The following ADGRL3 variants were observed in gnomAD, a reference collection of about 807,000 sequenced individuals.
ADGRL3 encodes the protein adhesion G protein-coupled receptor L3.
A neutral mutation model predicts 153.5 loss-of-function variants in ADGRL3; 62 were observed. That is an observed-to-expected ratio of 0.40 (90% CI 0.33 to 0.50). The LOEUF (loss-of-function observed/expected upper bound fraction) is 0.50. Among genes scored for constraint, ADGRL3 ranks in the 20% least tolerant of loss-of-function variants. The pLI is 0.47. For synonymous variants in ADGRL3, 710 were observed against 672.5 expected, an observed-to-expected ratio of 1.06 and a Z score of -0.86; for missense variants, 1,641 against 1,859.4, an observed-to-expected ratio of 0.88 and a Z score of 2.16.
intron 5 of ADGRL3, among the ~76,000 whole-genome samples, chr4:61,589,002 G>C (rs2098958136): frequency 6.6e-6 from 1 of 152,082 alleles, no homozygotes; most frequent in South Asian, 2.1e-4. Context: ...CACTGAAATT[G>C]TTTTAATCCT....
intron 8 of ADGRL3, among the ~76,000 whole-genome samples, chr4:61,768,619 T>C (rs1434619974): frequency 6.6e-6 from 1 of 152,006 alleles, no homozygotes; most frequent in Admixed American, 6.5e-5. Context: ...CTTGAGTTTG[T>C]ATTGGGGTCA....
intron 8 of ADGRL3, among the ~76,000 whole-genome samples, chr4:61,794,522 A>T (rs559285465): frequency 5.7e-4 from 85 of 149,522 alleles, no homozygotes; most frequent in African/African-American, 2.1e-3. Context: ...AATGAGTGAT[A>T]TTTTTCTGTG....
At chr4:61,734,984 T>G (rs1045135742) in intron 8 of ADGRL3, among the ~76,000 whole-genome samples, 3 of 152,226 alleles carry the variant, frequency 2.0e-5, no homozygotes, top group Non-Finnish European at 4.4e-5. Flanking sequence ...ATTTCTTATT[T>G]TCTGCATTAT....
At chr4:61,309,044 G>A (rs936475046) in intron 1 of ADGRL3, among the ~76,000 whole-genome samples, 12 of 151,954 alleles carry the variant, frequency 7.9e-5, no homozygotes, top group African/African-American at 2.2e-4. Context: ...AATTACCTTC[G>A]CATTATATGA....
chr4:61,392,026 ATTT>A (rs373905840), intron 2 of ADGRL3, among the ~76,000 whole-genome samples: 6 of 135,668 alleles, frequency 4.4e-5, no homozygotes, highest in Admixed American at 1.5e-4. Flanking sequence ...CGACCGGCTA[ATTT>A]TTTTTTTTTT....
chr4:61,655,515 C>T (rs2094419578), intron 5 of ADGRL3, among the ~76,000 whole-genome samples: 1 of 151,876 alleles, frequency 6.6e-6, no homozygotes, highest in African/African-American at 2.4e-5. Flanking sequence ...GTAAAAAATA[C>T]ACTTTGAAAA....
intron 1 of ADGRL3, among the ~76,000 whole-genome samples, chr4:61,229,957 A>G (rs1749862728): frequency 6.6e-6 from 1 of 152,058 alleles, no homozygotes; most frequent in South Asian, 2.1e-4. Flanking sequence ...AGATAGATAG[A>G]TAGATAGAAT....
intron 4 of ADGRL3, among the ~76,000 whole-genome samples, chr4:61,567,582 C>T (rs1197194242): frequency 6.6e-6 from 1 of 152,126 alleles, no homozygotes; most frequent in East Asian, 1.9e-4. Flanking sequence ...GACCTCCCAG[C>T]CTCCAGAACG....
intron 21 of ADGRL3, among the ~76,000 whole-genome samples, chr4:62,013,616 A>C (rs1365041913): frequency 2.0e-5 from 3 of 151,978 alleles, no homozygotes; most frequent in South Asian, 2.1e-4. Context: ...ACGGCCGGGC[A>C]TGGTGACTTA....
Position 61,650,804 on chromosome 4 carries a change from A to AAAAATG in ADGRL3, c.474-26012_474-26007dup, listed in dbSNP as rs571798340. ...ATACTTCACCTGAACCATAGTACAT[A>AAAAATG]AAAATGAAAATGAAATAATTATGAA... On this transcript the variant is annotated intron_variant, in intron 5 of 26. Transcript: ENST00000683033. 4.6e-3 allele frequency among the ~76,000 whole-genome samples: 704 copies of AAAAATG among 152,276 alleles called. 3 individuals are homozygous for AAAAATG. The highest frequency in any genetic ancestry group is 0.016 in the African/African-American group (645 of 41,556).
chr4:61,560,308 G>A (rs180899659), intron 4 of ADGRL3, among the ~76,000 whole-genome samples: 1 of 152,158 alleles, frequency 6.6e-6, no homozygotes, highest in East Asian at 1.9e-4. Context: ...TGAGTATAAT[G>A]GTTAATAAGG....
chr4:61,718,155 T>G (rs1580434205), intron 6 of ADGRL3, among the ~76,000 whole-genome samples: 1 of 152,156 alleles, frequency 6.6e-6, no homozygotes, highest in East Asian at 1.9e-4. Flanking sequence ...AATTAGAATA[T>G]TAACCAAAAA....
intron 2 of ADGRL3, among the ~76,000 whole-genome samples, chr4:61,469,148 C>CTA (rs1189345752): frequency 1.3e-5 from 2 of 152,002 alleles, no homozygotes; most frequent in African/African-American, 4.8e-5. Context: ...CTTAGAAGGG[C>CTA]AGTATTACCT....
intron 22 of ADGRL3, among the ~76,000 whole-genome samples, chr4:62,029,560 T>A (rs1296424230): frequency 6.6e-6 from 1 of 151,688 alleles, no homozygotes; most frequent in Non-Finnish European, 1.5e-5. Flanking sequence ...AAATTACAAG[T>A]CCTGCAAGAA....
At chr4:61,603,107 C>T (rs1411934660) in intron 5 of ADGRL3, among the ~76,000 whole-genome samples, 13 of 152,112 alleles carry the variant, frequency 8.5e-5, no homozygotes, top group Non-Finnish European at 1.5e-4. Flanking sequence ...TATTGTCTCA[C>T]GGTGACATTT....
At chr4:61,490,608 T>A (rs2098247816) in intron 2 of ADGRL3, among the ~76,000 whole-genome samples, 1 of 152,120 alleles carries the variant, frequency 6.6e-6, no homozygotes, top group Admixed American at 6.6e-5. Context: ...GATTAGAACA[T>A]TTAACTCATT....
At chr4:61,777,321 C>T (rs1005101678) in intron 8 of ADGRL3, among the ~76,000 whole-genome samples, 2 of 149,674 alleles carry the variant, frequency 1.3e-5, no homozygotes, top group African/African-American at 4.9e-5. Flanking sequence ...CCATAGAGCC[C>T]AAGACTCCAT....
intron 5 of ADGRL3, among the ~76,000 whole-genome samples, chr4:61,597,660 GTTT>G (rs1329052851): frequency 7.4e-6 from 1 of 135,526 alleles, no homozygotes; most frequent in Admixed American, 7.4e-5. Context: ...GTCGTTTTTT[GTTT>G]TTTTTTTTTA....
At chr4:61,669,900 C>T (rs1349029071) in intron 5 of ADGRL3, among the ~76,000 whole-genome samples, 1 of 152,146 alleles carries the variant, frequency 6.6e-6, no homozygotes, top group Non-Finnish European at 1.5e-5. Context: ...TGTTTGTGTA[C>T]ACTGACTTTA....
Sources: allele counts gnomAD v4.1 joint callset (sites outside exome capture counted in the v4.1 genomes callset), GRCh38; gene constraint gnomAD v4.1.1; transcripts MANE v1.5; gene names NCBI Gene and HGNC (gene_info 2026-07-23, HGNC 2026-07-21).